Variants in DLG2 observed in about 807,000 individuals in gnomAD.
DLG2 encodes disks large homolog 2.
DLG2 carries 45 observed loss-of-function variants against 132.5 expected under a neutral mutation model. The observed-to-expected ratio is 0.34, with a 90% CI of 0.27 to 0.44. The LOEUF (loss-of-function observed/expected upper bound fraction) is 0.44. Among genes scored for constraint, DLG2 ranks in the 20% least tolerant of loss-of-function variants. The pLI, the probability that DLG2 is intolerant of heterozygous loss-of-function variation, is 1.00. For missense variants in DLG2, 1,045 were observed against 1,196.9 expected (o/e 0.87, Z 1.87); for synonymous variants, 424 against 419.6 (o/e 1.01, Z -0.13).
chr11:85,064,521 C>A (rs2064596430), intron 6 of DLG2, among the ~76,000 whole-genome samples: 1 of 151,640 alleles, frequency 6.6e-6, no homozygotes, highest in East Asian at 1.9e-4. Context: ...TACAGTATAA[C>A]CTATTTTATC....
chr11:84,960,177 C>T (rs2052343252), intron 6 of DLG2, among the ~76,000 whole-genome samples: 1 of 152,172 alleles, frequency 6.6e-6, no homozygotes, highest in Non-Finnish European at 1.5e-5. Context: ...CCTACTTCTA[C>T]TGAACTCATG....
At chr11:83,944,397 A>C (rs1321655048) in intron 14 of DLG2, among the ~76,000 whole-genome samples, 3 of 152,228 alleles carry the variant, frequency 2.0e-5, no homozygotes. Flanking sequence ...CAGGTTGAGT[A>C]AGATCACAAA....
intron 6 of DLG2, among the ~76,000 whole-genome samples, chr11:84,890,291 G>C (rs2089139583): frequency 6.6e-6 from 1 of 152,088 alleles, no homozygotes; most frequent in Admixed American, 6.6e-5. Context: ...CCCTTCTCTT[G>C]TGCTGTAGAA....
chr11:85,028,474 T>A (rs777545924), intron 6 of DLG2, among the ~76,000 whole-genome samples: 11 of 151,996 alleles, frequency 7.2e-5, no homozygotes, highest in Non-Finnish European at 1.6e-4. Context: ...CCACCATTGA[T>A]CATGTCGTCC....
chr11:83,743,697 G>T (rs1346396388), intron 18 of DLG2, among the ~76,000 whole-genome samples: 1 of 152,052 alleles, frequency 6.6e-6, no homozygotes, highest in Non-Finnish European at 1.5e-5. Context: ...TCCTCCCAAT[G>T]TGGGGAGATT....
intron 6 of DLG2, among the ~76,000 whole-genome samples, chr11:84,949,113 A>G (rs1039080375): frequency 5.3e-5 from 8 of 152,180 alleles, no homozygotes; most frequent in Non-Finnish European, 1.0e-4. Flanking sequence ...GACAGAGTAC[A>G]AAAGAGAGAA....
intron 10 of DLG2, among the ~76,000 whole-genome samples, chr11:84,060,788 G>A (rs763848660): frequency 1.3e-5 from 2 of 151,884 alleles, no homozygotes; most frequent in African/African-American, 4.8e-5. Context: ...CAAAAATGAG[G>A]GGCCTCCTTT....
intron 18 of DLG2, among the ~76,000 whole-genome samples, chr11:83,754,593 C>CTT (rs1449834384): frequency 6.6e-6 from 1 of 151,366 alleles, no homozygotes; most frequent in Non-Finnish European, 1.5e-5. Context: ...CACATGATCA[C>CTT]TTTACATTCC....
intron 3 of DLG2, among the ~76,000 whole-genome samples, chr11:85,531,756 G>A (rs550306599): frequency 1.9e-4 from 29 of 152,240 alleles, no homozygotes; most frequent in Non-Finnish European, 3.4e-4. Context: ...AAAGACACAC[G>A]CTGCAAGATA....
At chr11:85,068,883 T>G (rs567041445) in intron 6 of DLG2, among the ~76,000 whole-genome samples, 291 of 152,042 alleles carry the variant, frequency 1.9e-3, no homozygotes, top group African/African-American at 6.7e-3. Context: ...GAGGCATCAC[T>G]CTACCTGACT....
intron 3 of DLG2, among the ~76,000 whole-genome samples, chr11:85,505,214 C>A (rs1276455219): frequency 6.6e-6 from 1 of 152,160 alleles, no homozygotes; most frequent in African/African-American, 2.4e-5. Context: ...CCCTTTATTT[C>A]TTTCTACTGC....
At chr11:84,893,858 T>C (rs1199001022) in intron 6 of DLG2, among the ~76,000 whole-genome samples, 1 of 152,126 alleles carries the variant, frequency 6.6e-6, no homozygotes, top group Non-Finnish European at 1.5e-5. Context: ...AATTGTTAGC[T>C]TACAGCACTG....
At position 84,551,716 on chromosome 11, in the gene DLG2, T is replaced by C. The variant is rs367961279; in HGVS notation, c.358-16985A>G. ...CACACACTATATTGTCTCTCAAGTATTATGCATTTCTTACTCTCTGACTCA... is the reference window on the plus strand; with the variant it reads ...CACACACTATATTGTCTCTCAAGTACTATGCATTTCTTACTCTCTGACTCA... On this transcript the variant is annotated intron_variant, in intron 6 of 27. Coordinates refer to ENST00000376104, the MANE Select transcript of DLG2 (RefSeq NM_001142699.3). Among the ~76,000 whole-genome samples the C allele has an allele frequency of 9.2e-5, 14 of 152,326 alleles. No individual in the cohort carries two copies. The East Asian group carries it at 2.3e-3, about 25-fold the overall frequency.
intron 6 of DLG2, among the ~76,000 whole-genome samples, chr11:84,850,028 T>C (rs1051324842): frequency 6.6e-6 from 1 of 152,138 alleles, no homozygotes; most frequent in African/African-American, 2.4e-5. Context: ...ATTTATTCAA[T>C]TTTGCCTTAC....
chr11:84,084,177 T>G (rs1027690998), intron 10 of DLG2, among the ~76,000 whole-genome samples: 1 of 152,144 alleles, frequency 6.6e-6, no homozygotes, highest in African/African-American at 2.4e-5. Flanking sequence ...AGTTGTAGTA[T>G]TGTAGGCATG....
intron 16 of DLG2, among the ~76,000 whole-genome samples, chr11:83,849,049 G>T (rs2059180676): frequency 6.6e-6 from 1 of 152,110 alleles, no homozygotes; most frequent in Admixed American, 6.6e-5. Context: ...TCAATTTTTT[G>T]AAGAATGACT....
intron 7 of DLG2, among the ~76,000 whole-genome samples, chr11:84,275,763 G>T (rs966108542): frequency 6.6e-6 from 1 of 152,152 alleles, no homozygotes; most frequent in African/African-American, 2.4e-5. Context: ...ATAACAAAAA[G>T]GCAAATTTAA....
At chr11:84,256,438 A>G (rs2097472593) in intron 7 of DLG2, among the ~76,000 whole-genome samples, 1 of 152,150 alleles carries the variant, frequency 6.6e-6, no homozygotes, top group Admixed American at 6.6e-5. Context: ...GACTTAATCT[A>G]GTACCTAGAC....
chr11:84,660,320 T>A (rs2099693160), intron 6 of DLG2, among the ~76,000 whole-genome samples: 1 of 152,112 alleles, frequency 6.6e-6, no homozygotes, highest in Non-Finnish European at 1.5e-5. Context: ...TACACAGCAT[T>A]CCTCTTAACT....
Sources: allele counts gnomAD v4.1 joint callset (sites outside exome capture counted in the v4.1 genomes callset), GRCh38; gene constraint gnomAD v4.1.1; transcripts MANE v1.5; gene names NCBI Gene and HGNC (gene_info 2026-07-23, HGNC 2026-07-21).